RNLS: variants seen among roughly 807,000 people sequenced by gnomAD.
The protein encoded by RNLS is renalase, FAD dependent amine oxidase.
Under a neutral mutation model 39.8 loss-of-function variants are expected in RNLS, and 39 were observed. That is an observed-to-expected ratio of 0.98 (90% CI 0.76 to 1.28). RNLS has a LOEUF of 1.28. RNLS is among the 50% of genes most tolerant of loss of function. The probability of loss-of-function intolerance (pLI) is 0.00; values close to 1 mark genes in which losing one functional copy is unlikely to be tolerated. For synonymous variants in RNLS, 147 were observed against 150.7 expected, an observed-to-expected ratio of 0.98 and a Z score of 0.18; for missense variants, 410 against 413.3, an observed-to-expected ratio of 0.99 and a Z score of 0.07.
At chr10:88,295,784 T>C (rs1230364248) in intron 6 of RNLS, among the ~76,000 whole-genome samples, 1 of 152,176 alleles carries the variant, frequency 6.6e-6, no homozygotes, top group African/African-American at 2.4e-5. Flanking sequence ...GGGCTCAAAC[T>C]GCAAAGGACA....
chr10:88,311,944 C>G (rs1482480517), intron 6 of RNLS, among the ~76,000 whole-genome samples: 1 of 152,168 alleles, frequency 6.6e-6, no homozygotes, highest in African/African-American at 2.4e-5. Context: ...CTTAGGGAGG[C>G]TTGAGCCTTA....
intron 6 of RNLS, among the ~76,000 whole-genome samples, chr10:88,293,292 T>C (rs1165927834): frequency 1.3e-5 from 2 of 152,218 alleles, no homozygotes; most frequent in Non-Finnish European, 2.9e-5. Context: ...GGTATGGAGC[T>C]GATTCATACA....
the RNLS span, among the ~76,000 whole-genome samples, chr10:88,211,003 G>A: frequency 6.6e-6 from 1 of 152,014 alleles, no homozygotes. Flanking sequence ...TTTCTAAGAA[G>A]CATTTCAAGA....
At chr10:88,448,643 T>C (rs1564807763) in intron 4 of RNLS, among the ~76,000 whole-genome samples, 1 of 152,206 alleles carries the variant, frequency 6.6e-6, no homozygotes, top group African/African-American at 2.4e-5. Context: ...AGCCATCCCA[T>C]TACTGGGTAT....
At chr10:88,567,070 T>C (rs1435765601) in intron 4 of RNLS, among the ~76,000 whole-genome samples, 1 of 151,714 alleles carries the variant, frequency 6.6e-6, no homozygotes, top group Non-Finnish European at 1.5e-5. Flanking sequence ...GAAAGCAAAA[T>C]AAAATTAAAA....
chr10:88,184,891 T>C, the RNLS span, among the ~76,000 whole-genome samples: 2 of 152,154 alleles, frequency 1.3e-5, no homozygotes, highest in Non-Finnish European at 2.9e-5. Flanking sequence ...CACCAAGGTA[T>C]CAATGCTCAG....
At chr10:88,410,564 T>C (rs946996559) in intron 4 of RNLS, among the ~76,000 whole-genome samples, 1 of 152,188 alleles carries the variant, frequency 6.6e-6, no homozygotes, top group African/African-American at 2.4e-5. Flanking sequence ...TGATGAGTTA[T>C]TGATTATCCT....
intron 4 of RNLS, among the ~76,000 whole-genome samples, chr10:88,560,379 T>C (rs946294351): frequency 9.9e-5 from 15 of 151,616 alleles, no homozygotes; most frequent in African/African-American, 3.1e-4. Context: ...GAAAAGGTGT[T>C]AGCCAACAGC....
At chr10:88,452,497 T>G (rs545082133) in intron 4 of RNLS, among the ~76,000 whole-genome samples, 4 of 152,046 alleles carry the variant, frequency 2.6e-5, no homozygotes, top group Admixed American at 1.3e-4. Flanking sequence ...GGATGTAGTG[T>G]AGACTTTATG....
intron 4 of RNLS, among the ~76,000 whole-genome samples, chr10:88,380,828 A>T (rs1172200149): frequency 6.6e-6 from 1 of 152,190 alleles, no homozygotes; most frequent in African/African-American, 2.4e-5. Context: ...TTTACATGGT[A>T]TGGGACAGTG....
the RNLS span, among the ~76,000 whole-genome samples, chr10:88,209,685 C>G: frequency 6.6e-6 from 1 of 152,122 alleles, no homozygotes; most frequent in African/African-American, 2.4e-5. Context: ...AGTATTCATG[C>G]CAGGCAATTC....
intron 5 of RNLS, among the ~76,000 whole-genome samples, chr10:88,336,123 G>A (rs117874600): frequency 2.7e-3 from 405 of 152,296 alleles, no homozygotes; most frequent in Non-Finnish European, 4.1e-3. Flanking sequence ...AGCATTGAAT[G>A]CACACAGCAG....
chr10:88,320,907 A>G (rs1407631904), intron 5 of RNLS, among the ~76,000 whole-genome samples: 1 of 149,092 alleles, frequency 6.7e-6, no homozygotes, highest in African/African-American at 2.5e-5. Context: ...GCAGAAAACA[A>G]CAAAGAAAAT....
intron 6 of RNLS, among the ~76,000 whole-genome samples, chr10:88,309,820 A>C (rs1427022485): frequency 6.6e-6 from 1 of 152,242 alleles, no homozygotes; most frequent in African/African-American, 2.4e-5. Flanking sequence ...CCATGCAAGG[A>C]ATGAGAAGAG....
At chr10:88,448,561 A>T (rs1397648155) in intron 4 of RNLS, among the ~76,000 whole-genome samples, 1 of 152,244 alleles carries the variant, frequency 6.6e-6, no homozygotes, top group African/African-American at 2.4e-5. Context: ...GGGACTGTAA[A>T]CTAGTTCAAC....
chr10:88,256,458 T>A, the RNLS span, among the ~76,000 whole-genome samples: 3 of 152,324 alleles, frequency 2.0e-5, no homozygotes, highest in South Asian at 4.1e-4. Flanking sequence ...AGAGAGCAAG[T>A]TATTCCAGTT....
chr10:88,452,341 C>T (rs1484011584), intron 4 of RNLS, among the ~76,000 whole-genome samples: 1 of 152,170 alleles, frequency 6.6e-6, no homozygotes, highest in Non-Finnish European at 1.5e-5. Context: ...ATTGAAGGTA[C>T]ACATAAATGG....
intron 4 of RNLS, among the ~76,000 whole-genome samples, chr10:88,379,431 ATT>A (rs11305759): frequency 3.3e-5 from 5 of 151,426 alleles, no homozygotes; most frequent in South Asian, 2.1e-4. Context: ...ATTTCAAATG[ATT>A]TTTTTTTTCT....
chr10:88,535,728 T>C lies in RNLS; in HGVS notation c.526+37175A>G, dbSNP rs568833052. Among the ~76,000 whole-genome samples, 90 of 152,074 alleles carry C rather than the reference T, an allele frequency of 5.9e-4. 1 individual carries two copies. Among genetic ancestry groups the C allele is most frequent in the African/African-American group, 2.0e-3 (82 of 41,486 alleles). ...GAGTAGTGCTTGAAGAGTCAAATGA[T>C]AGAAATAATAAACTAGAGTAGAAGA... On this transcript the variant is annotated intron_variant, in intron 4 of 6. Transcript: ENST00000331772.
Sources: gnomAD v4.1 joint callset for allele counts (sites outside exome capture counted in the v4.1 genomes callset) on GRCh38, gnomAD v4.1.1 for gene constraint, MANE v1.5 for transcripts, NCBI Gene and HGNC (gene_info 2026-07-23, HGNC 2026-07-21) for gene names.